Variants in AK3 observed in about 807,000 individuals in gnomAD.
The protein encoded by AK3 is GTP:AMP phosphotransferase AK3, mitochondrial.
In AK3, 27 loss-of-function variants were observed where a neutral mutation model predicts 23.7. The observed-to-expected ratio is 1.14, with a 90% CI of 0.84 to 1.57. The LOEUF is 1.57. Among genes scored for constraint, AK3 ranks in the 40% most tolerant of loss-of-function variants. The pLI is 0.00. For synonymous variants in AK3, 159 were observed against 116.0 expected (o/e 1.37, Z -2.38); for missense variants, 406 against 285.6 (o/e 1.42, Z -3.04).
chr9:4,731,257 C>G (rs913899816), intron 1 of AK3, among the ~76,000 whole-genome samples: 1 of 152,062 alleles, frequency 6.6e-6, no homozygotes, highest in Admixed American at 6.6e-5. Flanking sequence ...TTTCCTGATC[C>G]TCTCCCTCCT....
intron 1 of AK3, among the ~76,000 whole-genome samples, chr9:4,728,358 G>T (rs573482097): frequency 5.3e-5 from 8 of 152,162 alleles, no homozygotes; most frequent in Non-Finnish European, 1.5e-5. Context: ...ATCACTTGAG[G>T]TCAGGAGTTC....
chr9:4,719,131 TCAC>T lies in AK3; in HGVS notation c.444+1_444+3del. 6.2e-7 allele frequency: 1 copy of T among 1,611,758 alleles called. No homozygotes were observed. Among genetic ancestry groups the T allele is most frequent in the Non-Finnish European group, 8.5e-7 (1 of 1,179,778 alleles). On this transcript the variant is annotated splice_donor_variant and splice_donor_region_variant and intron_variant, in intron 3 of 4. Coordinates refer to ENST00000381809, the MANE Select transcript of AK3 (RefSeq NM_016282.4). LOFTEE classifies it high-confidence loss of function. The stretch of plus-strand genomic sequence containing the variant: ...TATGTGACAGTTCCACAACAACTAC[TCAC>T]CACAGTTTTGGGAGGGTTGAATTCA...
At chr9:4,732,682 A>G (rs939059868) in intron 1 of AK3, among the ~76,000 whole-genome samples, 2 of 152,212 alleles carry the variant, frequency 1.3e-5, no homozygotes, top group Non-Finnish European at 2.9e-5. Flanking sequence ...AGACATTAGT[A>G]TGAGAAATAA....
At chr9:4,734,954 CAA>C (rs769392776) in intron 1 of AK3, among the ~76,000 whole-genome samples, 2 of 151,990 alleles carry the variant, frequency 1.3e-5, no homozygotes, top group African/African-American at 4.8e-5. Flanking sequence ...ACAGAAAACT[CAA>C]AAGAGACAGG....
intron 1 of AK3, among the ~76,000 whole-genome samples, chr9:4,726,783 T>C (rs1180920528): frequency 6.6e-6 from 1 of 151,320 alleles, no homozygotes; most frequent in African/African-American, 2.4e-5. Context: ...AGTTTTTCTA[T>C]TTACTTTGCC....
intron 1 of AK3, among the ~76,000 whole-genome samples, chr9:4,735,502 G>T (rs1412174069): frequency 4.4e-4 from 36 of 82,336 alleles, no homozygotes; most frequent in African/African-American, 1.5e-3. Flanking sequence ...TTTGGAAACA[G>T]AGTCTCACTG....
At chr9:4,716,135 T>C (rs549004559) in intron 4 of AK3, among the ~76,000 whole-genome samples, 1 of 152,306 alleles carries the variant, frequency 6.6e-6, no homozygotes, top group Non-Finnish European at 1.5e-5. Context: ...TCCATCTATC[T>C]TTGACTTTTC....
intron 1 of AK3, among the ~76,000 whole-genome samples, chr9:4,738,761 CTTTTTTTT>C (rs35812152): frequency 2.3e-4 from 17 of 75,096 alleles, no homozygotes; most frequent in East Asian, 4.0e-4. Context: ...ATATGCTTTA[CTTTTTTTT>C]TTTTTTTTTT....
At chr9:4,729,476 G>A (rs1031720795) in intron 1 of AK3, among the ~76,000 whole-genome samples, 1 of 151,744 alleles carries the variant, frequency 6.6e-6, no homozygotes, top group Non-Finnish European at 1.5e-5. Context: ...TGTCTTGCAG[G>A]GAGGGGGGAA....
At chr9:4,734,434 C>G (rs73641823) in intron 1 of AK3, among the ~76,000 whole-genome samples, 1 of 152,242 alleles carries the variant, frequency 6.6e-6, no homozygotes, top group Non-Finnish European at 1.5e-5. Context: ...AAATCAGTTG[C>G]TCTCTGTGTC....
rs74590746 is a variant in AK3 at position 4,713,938 on chromosome 9, C to A, written c.564-842G>T. Among the ~76,000 whole-genome samples, 4 of 126,456 alleles carry A rather than the reference C, an allele frequency of 3.2e-5. 1 individual carries two copies. The highest frequency in any genetic ancestry group is 5.2e-5 in the Non-Finnish European group (3 of 58,156). The allele number at this position is 126,456 out of a possible 152,430, so 83.0% of individuals were successfully genotyped here. On this transcript the variant is annotated intron_variant, in intron 4 of 4. Coordinates refer to ENST00000381809, the MANE Select transcript of AK3 (RefSeq NM_016282.4). ...TATACACCTCCACATATACACACCT[C>A]CACATATACACGCCTACACATATAC... is the stretch of plus-strand genomic sequence containing the variant.
At chr9:4,718,725 A>C (rs1476860479) in intron 3 of AK3, among the ~76,000 whole-genome samples, 188 bp from the exon 4 acceptor site, 2 of 152,168 alleles carry the variant, frequency 1.3e-5, no homozygotes, top group Non-Finnish European at 2.9e-5. Flanking sequence ...CGCCAGTTTC[A>C]TTTCTACAGT....
At chr9:4,728,101 G>A (rs1260623808) in intron 1 of AK3, among the ~76,000 whole-genome samples, 4 of 152,192 alleles carry the variant, frequency 2.6e-5, no homozygotes, top group Admixed American at 6.5e-5. Context: ...TAATAATAAT[G>A]AAAATATTTT....
intron 1 of AK3, among the ~76,000 whole-genome samples, chr9:4,726,672 G>A (rs1190848974): frequency 6.6e-6 from 1 of 151,462 alleles, no homozygotes; most frequent in Non-Finnish European, 1.5e-5. Flanking sequence ...ATGAGGGTTG[G>A]AATCAACTTC....
intron 1 of AK3, among the ~76,000 whole-genome samples, chr9:4,740,236 G>C (rs1189557816): frequency 2.6e-5 from 4 of 152,118 alleles, no homozygotes; most frequent in African/African-American, 9.7e-5. Context: ...CCTCTTAAGA[G>C]AGAATTTACA....
At chr9:4,732,469 C>T (rs1176174661) in intron 1 of AK3, among the ~76,000 whole-genome samples, 1 of 152,132 alleles carries the variant, frequency 6.6e-6, no homozygotes, top group Non-Finnish European at 1.5e-5. Flanking sequence ...TTGTTCAAGG[C>T]CAACTGTATT....
At chr9:4,713,486 G>C (rs1300326925) in intron 4 of AK3, among the ~76,000 whole-genome samples, 1 of 152,108 alleles carries the variant, frequency 6.6e-6, no homozygotes, top group African/African-American at 2.4e-5. Context: ...TCACCAAGTT[G>C]GTAGTACATT....
intron 1 of AK3, among the ~76,000 whole-genome samples, chr9:4,739,273 C>T (rs1226992463): frequency 1.3e-5 from 2 of 151,624 alleles, no homozygotes; most frequent in African/African-American, 2.4e-5. Flanking sequence ...TCACAGCAAC[C>T]TCCGCCTCCC....
chr9:4,741,058 C>A lies in AK3; in HGVS notation c.30G>T (p.Ala10=), dbSNP rs753126260. The change falls in exon 1 of 5, where the codon GCG becomes GCT. Residue 10 remains alanine (A), a synonymous_variant. Transcript: ENST00000381809. MGASARLLR[A]VIMGAPGSGK... is the part of the protein sequence containing the mutation. ...CCGAGCCCGGGGCCCCCATGATCAC[C>A]GCTCGCAGCAGCCGCGCGGACGCCC... is the stretch of plus-strand genomic sequence containing the variant. The A allele has an allele frequency of 1.3e-6, 2 of 1,562,348 alleles. No individual in the cohort carries two copies. The highest frequency in any genetic ancestry group is 1.2e-5 in the South Asian group (1 of 84,598).
Sources: allele counts gnomAD v4.1 joint callset (sites outside exome capture counted in the v4.1 genomes callset), GRCh38; gene constraint gnomAD v4.1.1; transcripts MANE v1.5; gene names NCBI Gene and HGNC (gene_info 2026-07-23, HGNC 2026-07-21).